The following GBE1 variants were observed in gnomAD, a reference collection of about 807,000 sequenced individuals.
GBE1 encodes 1,4-alpha-glucan-branching enzyme.
In GBE1, 70 loss-of-function variants were observed where a neutral mutation model predicts 88.8. That is an observed-to-expected ratio of 0.79 (90% CI 0.65 to 0.96). The LOEUF is 0.96. Ranked by LOEUF, GBE1 falls within the 40% of genes least tolerant of loss-of-function variation. GBE1 has a pLI of 0.00. For missense variants in GBE1, 872 were observed against 871.0 expected (o/e 1.00, Z -0.01); for synonymous variants, 284 against 300.1 (o/e 0.95, Z 0.56).
chr3:81,679,641 A>G (rs1236721064), intron 2 of GBE1, among the ~76,000 whole-genome samples: 23 of 152,206 alleles, frequency 1.5e-4, no homozygotes, highest in Admixed American at 1.5e-3. Flanking sequence ...AGCTTTCGAT[A>G]CAGTTTTCAT....
intron 6 of GBE1, among the ~76,000 whole-genome samples, chr3:81,643,480 C>T (rs573387928): frequency 1.1e-4 from 16 of 152,208 alleles, no homozygotes; most frequent in Middle Eastern, 6.8e-3. Flanking sequence ...CAATGTGCCA[C>T]GTTTGTCACC....
chr3:81,632,572 A>G (rs1415788660), intron 7 of GBE1, among the ~76,000 whole-genome samples: 4 of 152,098 alleles, frequency 2.6e-5, no homozygotes, highest in Non-Finnish European at 5.9e-5. Flanking sequence ...TGCTGGGAGG[A>G]TGTGGAGAAA....
intron 1 of GBE1, among the ~76,000 whole-genome samples, chr3:81,755,636 A>C: frequency 6.6e-6 from 1 of 152,194 alleles, no homozygotes; most frequent in Admixed American, 6.5e-5. Flanking sequence ...AATATTATTC[A>C]ACCATAAAAA....
At chr3:81,747,604 G>A (rs967741436) in intron 1 of GBE1, among the ~76,000 whole-genome samples, 3 of 152,292 alleles carry the variant, frequency 2.0e-5, no homozygotes, top group Admixed American at 6.5e-5. Context: ...TGACTTGCAC[G>A]TATACGCCCA....
chr3:81,591,055 A>G lies in GBE1; in HGVS notation c.1218T>C (p.Asp406=). The part of the protein sequence containing the change: ...ANHLVHTLCP[D]SITIAEDVSG... ...GCTTTACCTCAGCTATTGTTATAGA[A>G]TCGGGACACAGCGTGTGAACCAAAT... Residue 406 remains aspartate, a synonymous_variant, in exon 9 of 16, where the codon GAT becomes GAC. Transcript: ENST00000429644. 6.2e-7 allele frequency: 1 copy of G among 1,609,874 alleles called. No homozygotes were observed. The highest frequency in any genetic ancestry group is 8.5e-7 in the Non-Finnish European group (1 of 1,177,632).
intron 3 of GBE1, chr3:81,654,718 G>C (rs1020136158): frequency 6.6e-6 from 1 of 152,070 alleles, no homozygotes; most frequent in Non-Finnish European, 1.5e-5. Flanking sequence ...TAGGCTACAG[G>C]TCAAAGTGAA....
At position 81,618,157 on chromosome 3, in the gene GBE1, A is replaced by G. The variant is rs1576171988; in HGVS notation, c.993-24134T>C. Among the ~76,000 whole-genome samples, 11 of 152,168 alleles carry G rather than the reference A, an allele frequency of 7.2e-5. 1 individual carries two copies. In the South Asian group the frequency reaches 2.3e-3, roughly 32 times the overall value. ...AATGTCCATTAACCATTCTAGGATA[A>G]GTCTGCTGGCAACAAATTATCTTAG... is the stretch of plus-strand genomic sequence containing the variant. On this transcript the variant is annotated intron_variant, in intron 7 of 15. Transcript: ENST00000429644.
At chr3:81,683,377 T>C (rs371085689) in intron 2 of GBE1, among the ~76,000 whole-genome samples, 1 of 152,152 alleles carries the variant, frequency 6.6e-6, no homozygotes, top group African/African-American at 2.4e-5. Context: ...AAAGACCACA[T>C]AGTGAGATAT....
At chr3:81,744,137 C>T (rs1706390351) in intron 1 of GBE1, among the ~76,000 whole-genome samples, 6 of 151,996 alleles carry the variant, frequency 3.9e-5, no homozygotes, top group Admixed American at 3.9e-4. Context: ...CAAATACCCA[C>T]CTGCACTGTC....
At chr3:81,506,098 G>T (rs1273813059) in intron 14 of GBE1, among the ~76,000 whole-genome samples, 1 of 152,024 alleles carries the variant, frequency 6.6e-6, no homozygotes, top group African/African-American at 2.4e-5. Flanking sequence ...CACAGAAAAA[G>T]AAATTATCAA....
chr3:81,638,117 T>C (rs1704616714), intron 7 of GBE1, among the ~76,000 whole-genome samples: 1 of 152,096 alleles, frequency 6.6e-6, no homozygotes, highest in African/African-American at 2.4e-5. Flanking sequence ...ATAGTGTCTA[T>C]CCTAAGAGTA....
intron 1 of GBE1, among the ~76,000 whole-genome samples, chr3:81,729,187 C>G (rs1442854959): frequency 6.6e-6 from 1 of 152,096 alleles, no homozygotes; most frequent in Non-Finnish European, 1.5e-5. Context: ...CAAGACCAGA[C>G]CAAAGCATGT....
At chr3:81,620,822 ATCTTCTATGAAAG>A (rs1204203526) in intron 7 of GBE1, among the ~76,000 whole-genome samples, 1 of 152,154 alleles carries the variant, frequency 6.6e-6, no homozygotes, top group Non-Finnish European at 1.5e-5. Flanking sequence ...AGGACAGGAG[ATCTTCTATGAAAG>A]TTTCTTATAA....
At chr3:81,749,005 CAAA>C (rs34051030) in intron 1 of GBE1, among the ~76,000 whole-genome samples, 1 of 108,076 alleles carries the variant, frequency 9.3e-6, no homozygotes, top group Non-Finnish European at 1.9e-5. Flanking sequence ...GACTCTGTCT[CAAA>C]AAAAAAAAAA....
rs985215491 is a variant in GBE1, at chr3:81,548,568, ATTTC to A, written c.1619-11477_1619-11474del. 2.6e-5 allele frequency among the ~76,000 whole-genome samples: 4 copies of A among 151,322 alleles called. 1 individual carries two copies. The highest frequency in any genetic ancestry group is 4.4e-5 in the Non-Finnish European group (3 of 67,608). On this transcript the variant is annotated intron_variant, in intron 12 of 15. Coordinates refer to ENST00000429644, the MANE Select transcript of GBE1 (RefSeq NM_000158.4). The stretch of plus-strand genomic sequence containing the variant: ...AATCATATGCCAGAAAGGTAACCAA[ATTTC>A]TTTGTCAATCGTGTTTTTAACTGTG...
intron 1 of GBE1, among the ~76,000 whole-genome samples, chr3:81,724,885 C>T (rs1347660531): frequency 1.3e-5 from 2 of 152,170 alleles, no homozygotes; most frequent in Non-Finnish European, 2.9e-5. Flanking sequence ...ATATTACTCT[C>T]AAAACGTGTG....
chr3:81,700,351 G>C (rs1411357939), intron 2 of GBE1, among the ~76,000 whole-genome samples: 1 of 151,988 alleles, frequency 6.6e-6, no homozygotes, highest in Non-Finnish European at 1.5e-5. Flanking sequence ...TCAGACTATG[G>C]TTATGTACCA....
intron 1 of GBE1, among the ~76,000 whole-genome samples, chr3:81,749,015 A>AAAAAAAG (rs1281557896): frequency 3.4e-5 from 5 of 148,504 alleles, no homozygotes; most frequent in African/African-American, 4.9e-5. Context: ...CAAAAAAAAA[A>AAAAAAAG]AAAAAAGAAA....
intron 7 of GBE1, among the ~76,000 whole-genome samples, chr3:81,622,759 C>A (rs960604040): frequency 3.7e-4 from 57 of 152,166 alleles, no homozygotes; most frequent in African/African-American, 1.4e-3. Context: ...TTTTCAGAGG[C>A]CTTTTTACCT....
Sources: allele counts gnomAD v4.1 joint callset (sites outside exome capture counted in the v4.1 genomes callset), GRCh38; gene constraint gnomAD v4.1.1; transcripts MANE v1.5; gene names NCBI Gene and HGNC (gene_info 2026-07-23, HGNC 2026-07-21).